The following ELAC2 variants were observed in gnomAD, a reference collection of about 807,000 sequenced individuals.
ELAC2 encodes the protein zinc phosphodiesterase ELAC protein 2.
A neutral mutation model predicts 105.2 loss-of-function variants in ELAC2; 92 were observed. That is an observed-to-expected ratio of 0.87 (90% confidence interval 0.74 to 1.04). The LOEUF is 1.04. Ranked by LOEUF, ELAC2 falls within the 50% of genes least tolerant of loss-of-function variation. ELAC2 has a pLI of 0.00. For synonymous variants in ELAC2, 468 were observed against 409.1 expected (o/e 1.14, Z -1.74); for missense variants, 1,099 against 1,071.7 (o/e 1.03, Z -0.36).
Position 13,017,458 on chromosome 17 carries a change from C to T in ELAC2, c.245+245G>A, listed in dbSNP as rs2041807394. The T allele has an allele frequency of 1.1e-5, 9 of 788,398 alleles. No homozygotes were observed. In the East Asian group the frequency reaches 2.4e-4, roughly 21 times the overall value. The allele number at this position is 788,398 out of a possible 1,614,324, so 48.8% of individuals were successfully genotyped here. ...GTGGAGCTCCGAAAGTGCTGACAGC[C>T]AGGCCGGGGCCCAAGGGTTGGGAAA... On this transcript the variant is annotated intron_variant, in intron 1 of 23. Transcript: ENST00000338034.
At position 13,003,516 on chromosome 17, in the gene ELAC2, C is replaced by T. The variant is rs370476174; in HGVS notation, c.1042G>A (p.Val348Met). ...TGCTGGTACCTGCTGTCCACAAGCA[C>T]AGATGCTGGGGCCATGTGAACCACC... Reference protein sequence around the residue: ...ALVVHMAPASVLVDSRYQQWM... With the variant: ...ALVVHMAPASMLVDSRYQQWM... The change falls in exon 12 of 24, where the codon GTG (valine) becomes ATG (methionine). Residue 348 changes from valine to methionine, a missense_variant. Coordinates refer to ENST00000338034, the MANE Select transcript of ELAC2 (RefSeq NM_018127.7). The T allele has an allele frequency of 1.7e-5, 28 of 1,614,108 alleles. No individual in the cohort carries two copies. In the Admixed American group the frequency reaches 1.8e-4, roughly 11 times the overall value.
intron 6 of ELAC2, among the ~76,000 whole-genome samples, chr17:13,012,863 C>G (rs2041495232): frequency 6.6e-6 from 1 of 152,178 alleles, no homozygotes; most frequent in Admixed American, 6.5e-5. Context: ...AAAAATCTAT[C>G]TGTGCAAACC....
At chr17:13,010,176 A>ATT (rs138467521) in intron 8 of ELAC2, among the ~76,000 whole-genome samples, 31 of 150,732 alleles carry the variant, frequency 2.1e-4, no homozygotes, top group Non-Finnish European at 3.4e-4. Flanking sequence ...TTTCTATCGA[A>ATT]TTTTTTTTTT....
intron 8 of ELAC2, among the ~76,000 whole-genome samples, chr17:13,008,254 G>A (rs2041218594): frequency 1.3e-5 from 2 of 151,980 alleles, no homozygotes; most frequent in Admixed American, 6.6e-5. Context: ...GCTCACGCCT[G>A]TAATCCCAGC....
chr17:13,003,366 T>C (rs1484508854), intron 12 of ELAC2, 113 bp downstream of exon 12: 2 of 988,516 alleles, frequency 2.0e-6, no homozygotes, highest in Non-Finnish European at 3.3e-6. Context: ...CCACAGAAAG[T>C]TTAGGCAGGT....
chr17:13,002,448 C>A lies in ELAC2; in HGVS notation c.1211G>T (p.Arg404Leu), dbSNP rs200565641. The A allele has an allele frequency of 8.4e-5, 136 of 1,612,726 alleles. 1 individual carries two copies. In the South Asian group the frequency reaches 1.4e-3, roughly 16 times the overall value. The change falls in exon 13 of 24, where the codon CGC becomes CTC. Residue 404 changes from arginine (R) to leucine (L), a missense_variant. By Grantham distance (102) the Arg-to-Leu change is moderately radical. Coordinates refer to ENST00000338034, the MANE Select transcript of ELAC2 (RefSeq NM_018127.7). ...GCCGGTCTGAGACACTACCTTACAG[C>A]GGAAACTGGTGAGCAGGGGGAAGAT... ...PDIFPLLTSF[R>L]CKKEGPTLSV...
At chr17:13,016,667 C>G (rs1007815903) in intron 3 of ELAC2, among the ~76,000 whole-genome samples, 195 bp downstream of exon 3, 5 of 146,858 alleles carry the variant, frequency 3.4e-5, no homozygotes, top group Non-Finnish European at 5.9e-5. Context: ...GTGGTCCCAG[C>G]TATTTGGGAG....
At chr17:13,012,020 G>T (rs888629215) in intron 6 of ELAC2, among the ~76,000 whole-genome samples, 2 of 152,100 alleles carry the variant, frequency 1.3e-5, no homozygotes, top group Admixed American at 1.3e-4. Flanking sequence ...ACTCAACAAC[G>T]TGTTATCTAA....
chr17:13,008,889 CA>C (rs1353708867), intron 8 of ELAC2, among the ~76,000 whole-genome samples: 1 of 152,110 alleles, frequency 6.6e-6, no homozygotes, highest in East Asian at 1.9e-4. Flanking sequence ...ATGGAAAAGC[CA>C]GGGCAGGCAG....
intron 3 of ELAC2, among the ~76,000 whole-genome samples, chr17:13,016,645 T>TG (rs1450069740): frequency 6.8e-6 from 1 of 147,444 alleles, no homozygotes; most frequent in African/African-American, 2.5e-5. Context: ...CCAGGTGTGA[T>TG]GGGGCACACG....
In ELAC2 at chr17:13,014,484, C is replaced by T. The variant is rs779607134; in HGVS notation, c.445G>A (p.Glu149Lys). ...SGPPQLEKYLEAIKIFSGPLK... is the reference protein window; with the variant it reads ...SGPPQLEKYLKAIKIFSGPLK... ...GGACCAGAAAATATTTTGATTGCTT[C>T]GAGGTATTTTTCCTAATGAAAAACA... Residue 149 changes from glutamate (E) to lysine (K), a missense_variant, in exon 5 of 24, where the codon GAA becomes AAA. Physicochemically the swap from Glu to Lys is moderately conservative, Grantham distance 56. Coordinates refer to ENST00000338034, the MANE Select transcript of ELAC2 (RefSeq NM_018127.7). The T allele has an allele frequency of 1.9e-5, 31 of 1,613,238 alleles. No individual in the cohort carries two copies. The highest frequency in any genetic ancestry group is 3.3e-4 in the Middle Eastern group (2 of 6,082).
chr17:12,993,159 G>T, intron 23 of ELAC2, 114 bp from the exon 24 acceptor site: 1 of 1,131,496 alleles, frequency 8.8e-7, no homozygotes, highest in Non-Finnish European at 1.3e-6. Flanking sequence ...CCCTTCCTTG[G>T]CACAAGCCAA....
rs3760316 is a variant in ELAC2 at position 13,000,282 on chromosome 17, A to G, written c.1305-8T>C. ...CAAGTAATAATGGCATCCCTGCAGG[A>G]AGAGAGAGAAGCATCTCAGGTGACG... On this transcript the variant is annotated splice_polypyrimidine_tract_variant and splice_region_variant and intron_variant, in intron 14 of 23. Coordinates refer to ENST00000338034, the MANE Select transcript of ELAC2 (RefSeq NM_018127.7). The G allele has an allele frequency of 0.31, 492,185 of 1,612,090 alleles. 78,214 individuals carry two copies. The highest frequency in any genetic ancestry group is 0.39 in the African/African-American group (29,180 of 74,900).
intron 8 of ELAC2, among the ~76,000 whole-genome samples, chr17:13,008,556 C>T (rs967581500): frequency 2.0e-5 from 3 of 152,116 alleles, no homozygotes; most frequent in Admixed American, 2.0e-4. Context: ...GCAGGGAAAC[C>T]CATCTCCCTG....
chr17:13,012,165 C>T (rs1459398343), intron 6 of ELAC2, among the ~76,000 whole-genome samples: 3 of 152,126 alleles, frequency 2.0e-5, no homozygotes, highest in African/African-American at 2.4e-5. Flanking sequence ...GAAAAAAATT[C>T]GCTGCTCTAA....
intron 23 of ELAC2, 91 bp from the exon 24 acceptor site, chr17:12,993,136 G>T: frequency 7.5e-7 from 1 of 1,334,304 alleles, no homozygotes; most frequent in Non-Finnish European, 1.1e-6. Context: ...TGCTCACACA[G>T]CAGCGCCAAC....
chr17:13,014,259 C>T (rs572608172), intron 5 of ELAC2, among the ~76,000 whole-genome samples, 180 bp downstream of exon 5: 1 of 145,034 alleles, frequency 6.9e-6, no homozygotes, highest in South Asian at 2.2e-4. Context: ...TGCCACTGCA[C>T]TCCAGCCTGG....
intron 17 of ELAC2, 29 bp from the exon 18 acceptor site, chr17:12,996,007 G>C: frequency 1.3e-6 from 2 of 1,580,466 alleles, no homozygotes; most frequent in Non-Finnish European, 1.7e-6. Flanking sequence ...ACATGCGTCA[G>C]CCAGGCCCCA....
intron 14 of ELAC2, among the ~76,000 whole-genome samples, chr17:13,001,217 C>T (rs993704241): frequency 5.9e-5 from 9 of 152,108 alleles, no homozygotes; most frequent in African/African-American, 1.2e-4. Context: ...TAAAACAGGC[C>T]GGGCACGGCT....
Sources: allele counts gnomAD v4.1 joint callset (sites outside exome capture counted in the v4.1 genomes callset), GRCh38; gene constraint gnomAD v4.1.1; transcripts MANE v1.5; gene names NCBI Gene and HGNC (gene_info 2026-07-23, HGNC 2026-07-21).